MARCHF3: variants seen among roughly 807,000 people sequenced by gnomAD.
The protein encoded by MARCHF3 is membrane associated ring-CH-type finger 3, also known as E3 ubiquitin-protein ligase MARCHF3.
MARCHF3 carries 13 observed loss-of-function variants against 24.2 expected under a neutral mutation model. The ratio of observed to expected loss-of-function variants is 0.54; its 90% CI spans 0.35 to 0.85. MARCHF3 has a LOEUF of 0.85. Among genes scored for constraint, MARCHF3 ranks in the 40% least tolerant of loss-of-function variants. The pLI is 0.01. For synonymous variants in MARCHF3, 144 were observed against 137.3 expected (o/e 1.05, Z -0.34); for missense variants, 276 against 325.0 (o/e 0.85, Z 1.16).
chr5:126,872,232 G>C lies in MARCHF3; in HGVS notation c.604-1441C>G, dbSNP rs540657017. On this transcript the variant is annotated intron_variant, in intron 4 of 4. Transcript: ENST00000308660. The stretch of plus-strand genomic sequence containing the variant: ...GTAGCCACCATGCCTGGCTGATTTT[G>C]TATTTTTAGTAGAGACAGGGTTTCT... Among the ~76,000 whole-genome samples, 3 of 151,614 alleles carry C rather than the reference G, an allele frequency of 2.0e-5. No individual in the cohort carries two copies. The South Asian group carries it at 6.2e-4, about 32-fold the overall frequency.
intron 1 of MARCHF3, among the ~76,000 whole-genome samples, chr5:126,936,785 A>G (rs1176214219): frequency 2.0e-5 from 3 of 152,248 alleles, no homozygotes; most frequent in East Asian, 3.8e-4. Flanking sequence ...AACTCAAAAA[A>G]GCACATGCCC....
intron 1 of MARCHF3, among the ~76,000 whole-genome samples, chr5:126,977,800 T>C (rs1191782571): frequency 1.3e-5 from 2 of 152,244 alleles, no homozygotes; most frequent in African/African-American, 2.4e-5. Flanking sequence ...TATTCGGCCA[T>C]TCCGAAATGC....
At chr5:126,874,542 C>T (rs1046916191) in intron 4 of MARCHF3, among the ~76,000 whole-genome samples, 4 of 150,320 alleles carry the variant, frequency 2.7e-5, no homozygotes, top group South Asian at 2.1e-4. Context: ...TCTCGGCTCA[C>T]ACCACTGCAC....
At chr5:126,883,971 A>G (rs1460107427) in intron 3 of MARCHF3, among the ~76,000 whole-genome samples, 1 of 152,256 alleles carries the variant, frequency 6.6e-6, no homozygotes, top group Non-Finnish European at 1.5e-5. Flanking sequence ...GAGAAGGCAT[A>G]GTCTCACAGT....
chr5:126,923,803 A>G (rs771581147), intron 1 of MARCHF3, among the ~76,000 whole-genome samples: 1 of 152,188 alleles, frequency 6.6e-6, no homozygotes, highest in Non-Finnish European at 1.5e-5. Context: ...ATAAAATACA[A>G]TTTTTAAAAA....
At chr5:126,944,701 A>T (rs1309042594) in intron 1 of MARCHF3, among the ~76,000 whole-genome samples, 1 of 152,238 alleles carries the variant, frequency 6.6e-6, no homozygotes, top group Non-Finnish European at 1.5e-5. Flanking sequence ...ACTAGAACTC[A>T]GAAGACCTTG....
chr5:126,874,730 A>T (rs1019525306), intron 4 of MARCHF3, among the ~76,000 whole-genome samples: 1 of 152,192 alleles, frequency 6.6e-6, no homozygotes, highest in African/African-American at 2.4e-5. Flanking sequence ...CAATGTGCCC[A>T]GCTCACCTAT....
chr5:126,898,418 C>G (rs1351322466), intron 3 of MARCHF3, among the ~76,000 whole-genome samples: 1 of 152,092 alleles, frequency 6.6e-6, no homozygotes, highest in Non-Finnish European at 1.5e-5. Context: ...TTAAAAACAG[C>G]TGACATAGGT....
At chr5:126,936,606 A>G (rs1204111890) in intron 1 of MARCHF3, among the ~76,000 whole-genome samples, 1 of 152,160 alleles carries the variant, frequency 6.6e-6, no homozygotes, top group Non-Finnish European at 1.5e-5. Flanking sequence ...ATTTACTTTC[A>G]TTGTTTCTGC....
Position 126,913,529 on chromosome 5 carries a change from T to G in MARCHF3, c.393+1401A>C, listed in dbSNP as rs1754611112. On this transcript the variant is annotated intron_variant, in intron 3 of 4. Coordinates refer to ENST00000308660, the MANE Select transcript of MARCHF3 (RefSeq NM_178450.5). ...CAAGGCCAAATTCCCCACAGGCCCT[T>G]TCTGAATATGAATTTCTGAAAGTGG... Among the ~76,000 whole-genome samples, 3 of 152,240 alleles carry G rather than the reference T, an allele frequency of 2.0e-5. No homozygotes were observed. The South Asian group carries it at 6.2e-4, about 32-fold the overall frequency.
Position 126,878,413 on chromosome 5 carries a change from C to T in MARCHF3, c.394-19G>A, listed in dbSNP as rs1753241865. The stretch of plus-strand genomic sequence containing the variant: ...TCAGCCACTGCCAGGTAAAGGGAGA[C>T]AGAGAAGAGCAAGGGAGAGGGTTAA... On this transcript the variant is annotated intron_variant, in intron 3 of 4. Transcript: ENST00000308660. The T allele has an allele frequency of 6.3e-7, 1 of 1,599,284 alleles. No individual in the cohort carries two copies.
chr5:126,890,603 C>G (rs1011345613), intron 3 of MARCHF3, among the ~76,000 whole-genome samples: 1 of 151,972 alleles, frequency 6.6e-6, no homozygotes, highest in Non-Finnish European at 1.5e-5. Flanking sequence ...CATGTCCCTA[C>G]AAAGGGCATG....
At chr5:127,004,351 C>T (rs1752237420) in intron 1 of MARCHF3, among the ~76,000 whole-genome samples, 1 of 152,088 alleles carries the variant, frequency 6.6e-6, no homozygotes, top group Admixed American at 6.5e-5. Context: ...TTATTTTTAG[C>T]CCTTACACAG....
intron 4 of MARCHF3, among the ~76,000 whole-genome samples, chr5:126,875,328 G>C (rs1753111133): frequency 6.6e-6 from 1 of 152,156 alleles, no homozygotes; most frequent in African/African-American, 2.4e-5. Context: ...GGACCTGCAT[G>C]GCCACGTGTG....
intron 1 of MARCHF3, among the ~76,000 whole-genome samples, chr5:126,983,397 G>C (rs576290558): frequency 7.9e-5 from 12 of 152,270 alleles, no homozygotes; most frequent in African/African-American, 2.9e-4. Flanking sequence ...GAGTCTTTGA[G>C]GCCACAGACT....
intron 3 of MARCHF3, among the ~76,000 whole-genome samples, chr5:126,881,629 A>G (rs1753344516): frequency 6.6e-6 from 1 of 152,208 alleles, no homozygotes; most frequent in African/African-American, 2.4e-5. Context: ...CATACTGCTG[A>G]GCAGAAAAAA....
At chr5:126,874,800 C>T (rs1236671044) in intron 4 of MARCHF3, among the ~76,000 whole-genome samples, 2 of 152,156 alleles carry the variant, frequency 1.3e-5, no homozygotes, top group Non-Finnish European at 2.9e-5. Flanking sequence ...GGGGAAATAC[C>T]GCTGAATACC....
At chr5:127,009,777 T>A (rs1190690503) in intron 1 of MARCHF3, among the ~76,000 whole-genome samples, 1 of 152,206 alleles carries the variant, frequency 6.6e-6, no homozygotes. Flanking sequence ...GAGTGTGTGA[T>A]CAGACACATT....
At chr5:126,926,172 C>T (rs1015646120) in intron 1 of MARCHF3, among the ~76,000 whole-genome samples, 1 of 152,170 alleles carries the variant, frequency 6.6e-6, no homozygotes, top group Non-Finnish European at 1.5e-5. Context: ...TAATTCTTAA[C>T]CCAAGCCTCC....
Sources: allele counts gnomAD v4.1 joint callset (sites outside exome capture counted in the v4.1 genomes callset), GRCh38; gene constraint gnomAD v4.1.1; transcripts MANE v1.5; gene names NCBI Gene and HGNC (gene_info 2026-07-23, HGNC 2026-07-21).